The following ITGA2B variants were observed in gnomAD, a reference collection of about 807,000 sequenced individuals.
The protein encoded by ITGA2B is integrin alpha-IIb.
ITGA2B carries 91 observed loss-of-function variants against 142.0 expected under a neutral mutation model. The observed-to-expected ratio is 0.64, with a 90% CI of 0.54 to 0.76. The LOEUF (loss-of-function observed/expected upper bound fraction) is 0.76. Ranked by LOEUF, ITGA2B falls within the 30% of genes least tolerant of loss-of-function variation. ITGA2B has a pLI of 0.00. For missense variants in ITGA2B, 1,231 were observed against 1,350.8 expected (o/e 0.91, Z 1.39); for synonymous variants, 536 against 567.2 (o/e 0.94, Z 0.78).
chr17:44,372,523 A>G (rs2048506399), intron 29 of ITGA2B, 100 bp from the exon 30 acceptor site: 1 of 992,600 alleles, frequency 1.0e-6, no homozygotes, highest in Admixed American at 2.0e-5. Context: ...TCCCTGGACC[A>G]GCGCAGAACA....
intron 21 of ITGA2B, 46 bp downstream of exon 21, chr17:44,377,652 C>T: frequency 1.4e-6 from 2 of 1,395,684 alleles, no homozygotes; most frequent in Non-Finnish European, 2.0e-6. Context: ...TCTGGTTATT[C>T]ATGAGCCCCT....
In ITGA2B at chr17:44,378,443, C is replaced by G; in HGVS notation, c.2013G>C (p.Glu671Asp). Residue 671 changes from glutamate (E) to aspartate (D), a missense_variant, in exon 20 of 30, where the codon GAG (glutamate) becomes GAC (aspartate). This residue lies in a region of ITGA2B where 908 missense variants were observed against 1,021.1 expected (regional missense o/e 0.89). Coordinates refer to ENST00000262407, the MANE Select transcript of ITGA2B (RefSeq NM_000419.5). ...GCTCTGCTTCATAGGCCCCCTCGCC[C>G]TCGTTGGCTGCGTCCATCTGCAGCT... The part of the protein sequence containing the change: ...VLELQMDAAN[E>D]GEGAYEAELA... The G allele has an allele frequency of 3.7e-6, 6 of 1,613,608 alleles. No individual in the cohort carries two copies. The highest frequency in any genetic ancestry group is 4.2e-6 in the Non-Finnish European group (5 of 1,179,912).
intron 24 of ITGA2B, 35 bp downstream of exon 24, chr17:44,376,050 C>G (rs1160934971): frequency 1.2e-6 from 2 of 1,614,132 alleles, no homozygotes; most frequent in Admixed American, 1.7e-5. Flanking sequence ...TGAGGACCCG[C>G]TCACCCCAGC....
intron 18 of ITGA2B, among the ~76,000 whole-genome samples, chr17:44,379,092 A>G (rs574405188): frequency 5.6e-4 from 82 of 146,708 alleles, no homozygotes; most frequent in African/African-American, 1.7e-3. Context: ...GACTACAGGT[A>G]CCCGCCACCA....
In ITGA2B at chr17:44,374,392, G is replaced by C. The variant is rs1244603065; in HGVS notation, c.3022C>G (p.Leu1008Val). Reference protein sequence around the residue: ...WWVLVGVLGGLLLLTILVLAM... With the variant: ...WWVLVGVLGGVLLLTILVLAM... ...AGGACCAGGATGGTGAGCAGCAGCAGGCCACCCAGCACACCCACCAGCACC... is the reference window on the plus strand; with the variant it reads ...AGGACCAGGATGGTGAGCAGCAGCACGCCACCCAGCACACCCACCAGCACC... The change falls in exon 29 of 30, where the codon CTG (leucine) becomes GTG (valine). Residue 1008 changes from leucine to valine, a missense_variant. Coordinates refer to ENST00000262407, the MANE Select transcript of ITGA2B (RefSeq NM_000419.5). 1.2e-5 allele frequency: 19 copies of C among 1,614,046 alleles called. No homozygotes were observed. The highest frequency in any genetic ancestry group is 1.6e-5 in the Non-Finnish European group (19 of 1,179,974).
chr17:44,380,850 C>T (rs1303682600), intron 13 of ITGA2B, 29 bp downstream of exon 13: 1 of 1,613,730 alleles, frequency 6.2e-7, no homozygotes, highest in Admixed American at 1.7e-5. Context: ...CTTTCTTGGG[C>T]ATTTCTAGCT....
intron 28 of ITGA2B, 48 bp from the exon 29 acceptor site, chr17:44,374,518 T>C: frequency 6.3e-7 from 1 of 1,576,030 alleles, no homozygotes; most frequent in Non-Finnish European, 8.7e-7. Flanking sequence ...CACCTGCCTT[T>C]CACAAAGACT....
intron 12 of ITGA2B, among the ~76,000 whole-genome samples, chr17:44,382,912 G>A (rs998307910): frequency 6.6e-6 from 1 of 151,866 alleles, no homozygotes; most frequent in African/African-American, 2.4e-5. Context: ...TGCTCCCTAG[G>A]GCTCTATCCT....
intron 21 of ITGA2B, 41 bp from the exon 22 acceptor site, chr17:44,377,129 CACTTAGGACA>C: frequency 1.4e-6 from 2 of 1,446,968 alleles, no homozygotes; most frequent in Non-Finnish European, 1.9e-6. Context: ...CCAAGTGCCC[CACTTAGGACA>C]GCCCTGCCCT....
intron 1 of ITGA2B, among the ~76,000 whole-genome samples, chr17:44,387,040 C>A (rs941083914): frequency 2.0e-5 from 3 of 151,920 alleles, no homozygotes; most frequent in African/African-American, 7.3e-5. Context: ...GGATTACAGG[C>A]GTGAGCCTCT....
intron 7 of ITGA2B, 69 bp downstream of exon 7, chr17:44,384,879 G>T: frequency 6.2e-7 from 1 of 1,610,220 alleles, no homozygotes; most frequent in South Asian, 1.1e-5. Context: ...CTCCCACAGG[G>T]GCAGGACCTG....
intron 21 of ITGA2B, among the ~76,000 whole-genome samples, 169 bp from the exon 22 acceptor site, chr17:44,377,257 A>G (rs557995984): frequency 9.7e-4 from 145 of 150,052 alleles, no homozygotes; most frequent in Non-Finnish European, 1.5e-3. Flanking sequence ...GTGCAGTGGC[A>G]TGATCTCGGC....
In ITGA2B at chr17:44,377,040, C is replaced by A. The variant is rs2048550784; in HGVS notation, c.2236G>T (p.Glu746Ter). Reference sequence around the variant, plus strand: ...ATCTGCAGCTGGAAGGACACAGACTCCCCAGCCTCTTCCAGATTCCCCACG... The same window carrying A: ...ATCTGCAGCTGGAAGGACACAGACTACCCAGCCTCTTCCAGATTCCCCACG... ...VSVGNLEEAG[E>*]SVSFQLQIRS... The change falls in exon 22 of 30, where the codon GAG (glutamate) becomes TAG (stop). Residue 746 changes from glutamate to a stop codon, truncating the protein, a stop_gained. Transcript: ENST00000262407. LOFTEE classifies it high-confidence loss of function. 1 of 1,592,988 alleles carries A rather than the reference C, an allele frequency of 6.3e-7. No individual in the cohort carries two copies. Among genetic ancestry groups the A allele is most frequent in the South Asian group, 1.1e-5 (1 of 87,646 alleles).
At position 44,385,208 on chromosome 17, in the gene ITGA2B, G is replaced by A. The variant is rs143284768; in HGVS notation, c.626C>T (p.Ala209Val). ...AGGAGCCCCAAGCACCAGCTCTCCGGCCTGGAAGGGAAGTCCTGAGGGTGA... is the reference window on the plus strand; with the variant it reads ...AGGAGCCCCAAGCACCAGCTCTCCGACCTGGAAGGGAAGTCCTGAGGGTGA... ...EAGFSSVVTQAGELVLGAPGG... is the reference protein window; with the variant it reads ...EAGFSSVVTQVGELVLGAPGG... Residue 209 changes from alanine (A) to valine (V), a missense_variant and splice_region_variant, in exon 6 of 30, where the codon GCC (alanine) becomes GTC (valine). Ala to Val is a moderately conservative substitution (Grantham distance 64). Transcript: ENST00000262407. The A allele has an allele frequency of 5.6e-6, 9 of 1,613,918 alleles. 1 individual carries two copies. In the Middle Eastern group the frequency reaches 4.9e-4, roughly 89 times the overall value.
At chr17:44,375,515 C>G (rs1193514066) in intron 26 of ITGA2B, 76 bp downstream of exon 26, 1 of 1,570,182 alleles carries the variant, frequency 6.4e-7, no homozygotes, top group African/African-American at 1.3e-5. Context: ...CACACCCGGA[C>G]CCCTCTCCCT....
At chr17:44,387,749 C>T (rs1452298708) in intron 1 of ITGA2B, among the ~76,000 whole-genome samples, 5 of 139,780 alleles carry the variant, frequency 3.6e-5, no homozygotes, top group Non-Finnish European at 4.5e-5. Flanking sequence ...CGCTTGAACC[C>T]GGGAGGCAGA....
In ITGA2B at chr17:44,372,248, C is replaced by T. The variant is rs1567896328; in HGVS notation, c.*116G>A. ...CCCAGCTCTGTTGGGAGGGAAACGA[C>T]ACCAAGAGGACCCAATGGAACAGCT... On this transcript the variant is annotated 3_prime_UTR_variant, in exon 30 of 30. Transcript: ENST00000262407. The T allele has an allele frequency of 2.9e-6, 3 of 1,034,606 alleles. No individual in the cohort carries two copies. The highest frequency in any genetic ancestry group is 1.6e-5 in the African/African-American group (1 of 63,316). The allele number at this position is 1,034,606 out of a possible 1,614,324, so 64.1% of individuals were successfully genotyped here.
intron 28 of ITGA2B, 77 bp downstream of exon 28, chr17:44,374,582 G>C: frequency 6.5e-7 from 1 of 1,532,236 alleles, no homozygotes; most frequent in Non-Finnish European, 9.0e-7. Context: ...CCACCCCTCA[G>C]ACTTTTCTGG....
chr17:44,376,873 A>G, intron 22 of ITGA2B, 136 bp downstream of exon 22: 1 of 722,530 alleles, frequency 1.4e-6, no homozygotes, highest in Non-Finnish European at 2.4e-6. Context: ...TTGGCCTCGC[A>G]ACGTGCTGGG....
Sources: allele counts gnomAD v4.1 joint callset (sites outside exome capture counted in the v4.1 genomes callset), GRCh38; gene constraint gnomAD v4.1.1; regional missense constraint gnomAD v4.1.1; transcripts MANE v1.5; gene names NCBI Gene and HGNC (gene_info 2026-07-23, HGNC 2026-07-21).